TBL1Y: variants seen among roughly 807,000 people sequenced by gnomAD.
The protein encoded by TBL1Y is transducin beta like 1 Y-linked.
In TBL1Y, 15 loss-of-function variants were observed where a neutral mutation model predicts 12.0. The ratio of observed to expected loss-of-function variants is 1.25; its 90% CI spans 0.83 to 1.92. The LOEUF is 1.92. Among genes scored for constraint, TBL1Y ranks in the 40% most tolerant of loss-of-function variants. TBL1Y has a pLI of 0.00. For synonymous variants in TBL1Y, 53 were observed against 42.6 expected (o/e 1.24, Z -0.95); for missense variants, 148 against 116.7 (o/e 1.27, Z -1.24).
chrY:7,062,903 C>G (rs2012890131), intron 7 of TBL1Y, among the ~76,000 whole-genome samples: 83 of 33,905 alleles, frequency 2.4e-3, no homozygotes, highest in Non-Finnish European at 1.5e-4. Flanking sequence ...TCATCGTGGT[C>G]CCGACCACCA....
intron 2 of TBL1Y, among the ~76,000 whole-genome samples, chrY:6,965,757 C>G: frequency 3.0e-5 from 1 of 33,143 alleles, no homozygotes; most frequent in African/African-American, 1.2e-4. Context: ...CACAGGGTGT[C>G]TAGAAAATGG....
At chrY:6,962,876 A>G in intron 2 of TBL1Y, among the ~76,000 whole-genome samples, 2 of 33,511 alleles carry the variant, frequency 6.0e-5, no homozygotes, top group African/African-American at 2.3e-4. Flanking sequence ...ACACAATTTT[A>G]CTATTCGTAG....
At chrY:7,052,492 T>TA (rs2012803513) in intron 7 of TBL1Y, among the ~76,000 whole-genome samples, 1 of 34,030 alleles carries the variant, frequency 2.9e-5, no homozygotes, top group Non-Finnish European at 7.3e-5. Flanking sequence ...GCCATTTTTT[T>TA]ACTTTCTGCA....
At chrY:6,959,729 T>C in intron 2 of TBL1Y, among the ~76,000 whole-genome samples, 1 of 33,849 alleles carries the variant, frequency 3.0e-5, no homozygotes, top group Non-Finnish European at 7.3e-5. Context: ...TTCTCTTCCT[T>C]GTAGATGGCA....
At chrY:7,058,788 G>C in intron 7 of TBL1Y, among the ~76,000 whole-genome samples, 3 of 33,235 alleles carry the variant, frequency 9.0e-5, no homozygotes, top group African/African-American at 3.6e-4. Context: ...AGTTGCAGGT[G>C]GTGGGGGATC....
chrY:7,028,649 G>A, intron 6 of TBL1Y, among the ~76,000 whole-genome samples: 1 of 34,033 alleles, frequency 2.9e-5, no homozygotes, highest in Admixed American at 2.6e-4. Flanking sequence ...AGTAGTAGAC[G>A]ACTTATGCAT....
intron 2 of TBL1Y, among the ~76,000 whole-genome samples, chrY:6,961,272 C>T: frequency 3.1e-5 from 1 of 32,531 alleles, no homozygotes; most frequent in African/African-American, 1.2e-4. Context: ...ATGTTACCCT[C>T]ATGTTTTTCA....
intron 7 of TBL1Y, among the ~76,000 whole-genome samples, chrY:7,061,725 A>C (rs936210530): frequency 6.2e-5 from 2 of 32,011 alleles, no homozygotes; most frequent in South Asian, 1.5e-3. Context: ...TGTATAAATG[A>C]GGTTCTAAGA....
At chrY:6,949,762 A>C in intron 2 of TBL1Y, among the ~76,000 whole-genome samples, 2 of 33,670 alleles carry the variant, frequency 5.9e-5, no homozygotes, top group African/African-American at 2.3e-4. Flanking sequence ...TTAAAAAATG[A>C]GGGAGAGCCA....
At chrY:7,045,542 A>G in intron 7 of TBL1Y, among the ~76,000 whole-genome samples, 1 of 33,524 alleles carries the variant, frequency 3.0e-5, no homozygotes, top group African/African-American at 1.2e-4. Flanking sequence ...AGAGGGACCA[A>G]TGGTCTTTTT....
chrY:6,936,597 G>A, intron 2 of TBL1Y, among the ~76,000 whole-genome samples: 1 of 33,784 alleles, frequency 3.0e-5, no homozygotes, highest in Non-Finnish European at 7.3e-5. Flanking sequence ...CTTTTATTTC[G>A]GGGGAAAGAT....
At chrY:7,063,587 G>T in intron 7 of TBL1Y, among the ~76,000 whole-genome samples, 2 of 33,139 alleles carry the variant, frequency 6.0e-5, no homozygotes, top group Non-Finnish European at 1.5e-4. Flanking sequence ...TAATCTGAAT[G>T]AGTCAGGGTG....
intron 7 of TBL1Y, among the ~76,000 whole-genome samples, chrY:7,062,683 C>G (rs2012882314): frequency 3.0e-5 from 1 of 32,964 alleles, no homozygotes; most frequent in Admixed American, 2.7e-4. Context: ...GTGGAAATTT[C>G]TTGCCTTTTG....
intron 2 of TBL1Y, among the ~76,000 whole-genome samples, chrY:6,946,486 G>A: frequency 3.0e-5 from 1 of 33,144 alleles, no homozygotes; most frequent in East Asian, 7.9e-4. Flanking sequence ...TTGAGCCAGA[G>A]ACTTGCTCTG....
intron 2 of TBL1Y, among the ~76,000 whole-genome samples, chrY:6,947,807 A>C (rs757580172): frequency 2.9e-5 from 1 of 34,302 alleles, no homozygotes; most frequent in South Asian, 6.5e-4. Flanking sequence ...ATAACACTCA[A>C]GGAATTTTGA....
intron 8 of TBL1Y, among the ~76,000 whole-genome samples, chrY:7,065,861 T>C (rs940024900): frequency 2.9e-5 from 1 of 33,913 alleles, no homozygotes; most frequent in Non-Finnish European, 7.3e-5. Flanking sequence ...GTTTTCACAG[T>C]GGATATGGTT....
Position 7,085,919 on chromosome Y carries a change from T to C in TBL1Y, c.1099T>C (p.Trp367Arg). The C allele has an allele frequency of 7.6e-6, 3 of 395,536 alleles. No homozygotes were observed. In the African/African-American group the frequency reaches 1.9e-4, roughly 26 times the overall value. Reference sequence around the variant, plus strand: ...TCAGAACGAGGTCAATGCCATCAAATGGGATCCTTCTGGAATGTTGCTGGC... The same window carrying C: ...TCAGAACGAGGTCAATGCCATCAAACGGGATCCTTCTGGAATGTTGCTGGC... ...GHTNEVNAIK[W>R]DPSGMLLASC... The change falls in exon 15 of 19, where the codon TGG becomes CGG. Residue 367 changes from tryptophan (W) to arginine (R), a missense_variant. Transcript: ENST00000383032.
At chrY:7,088,152 A>G in intron 17 of TBL1Y, among the ~76,000 whole-genome samples, 1 of 32,553 alleles carries the variant, frequency 3.1e-5, no homozygotes, top group African/African-American at 1.2e-4. Flanking sequence ...GGGAACGAGT[A>G]CTGCACTGCA....
chrY:6,972,710 G>T (rs2012214796), intron 2 of TBL1Y, among the ~76,000 whole-genome samples: 1 of 33,271 alleles, frequency 3.0e-5, no homozygotes, highest in African/African-American at 1.2e-4. Context: ...AGCCTCGCAG[G>T]GGGAGTGACT....
Sources: allele counts gnomAD v4.1 joint callset (sites outside exome capture counted in the v4.1 genomes callset), GRCh38; gene constraint gnomAD v4.1.1; transcripts MANE v1.5; gene names NCBI Gene and HGNC (gene_info 2026-07-23, HGNC 2026-07-21).